Variants in AGBL4 observed in about 807,000 individuals in gnomAD.
The protein encoded by AGBL4 is cytosolic carboxypeptidase 6.
A neutral mutation model predicts 66.4 loss-of-function variants in AGBL4; 58 were observed. That is an observed-to-expected ratio of 0.87 (90% CI 0.71 to 1.09). AGBL4 has a LOEUF of 1.09. Ranked by LOEUF, AGBL4 falls within the 50% of genes least tolerant of loss-of-function variation. The pLI is 0.00. For missense variants in AGBL4, 579 were observed against 631.0 expected (o/e 0.92, Z 0.88); for synonymous variants, 234 against 222.9 (o/e 1.05, Z -0.44).
intron 4 of AGBL4, among the ~76,000 whole-genome samples, chr1:49,205,162 T>G (rs1648033843): frequency 6.6e-6 from 1 of 152,098 alleles, no homozygotes; most frequent in African/African-American, 2.4e-5. Context: ...ATTAAATAGC[T>G]TCCCAAATTT....
At chr1:49,983,282 C>T (rs756088364) in intron 1 of AGBL4, among the ~76,000 whole-genome samples, 8 of 152,236 alleles carry the variant, frequency 5.3e-5, no homozygotes, top group Non-Finnish European at 5.9e-5. Context: ...CAGTTCCTGA[C>T]GTCTCCAAGC....
chr1:49,037,737 T>G (rs142585164), intron 5 of AGBL4, among the ~76,000 whole-genome samples: 28 of 152,162 alleles, frequency 1.8e-4, no homozygotes, highest in African/African-American at 5.8e-4. Context: ...TTTTATTCAT[T>G]TTTACATCTA....
chr1:49,533,579 T>C (rs1025634816), intron 3 of AGBL4, among the ~76,000 whole-genome samples: 1 of 152,170 alleles, frequency 6.6e-6, no homozygotes, highest in Admixed American at 6.5e-5. Context: ...TCTGGATTAT[T>C]ATGCCAAGGT....
chr1:49,156,574 TGGCTTGGAA>T (rs948696880), intron 4 of AGBL4, among the ~76,000 whole-genome samples: 22 of 152,272 alleles, frequency 1.4e-4, no homozygotes, highest in African/African-American at 5.1e-4. Context: ...CTCATTGGCA[TGGCTTGGAA>T]GGCTTCAGTT....
intron 5 of AGBL4, among the ~76,000 whole-genome samples, chr1:48,990,555 A>AT (rs1017756922): frequency 1.3e-5 from 2 of 151,902 alleles, no homozygotes; most frequent in African/African-American, 2.4e-5. Context: ...CTTAAATTTG[A>AT]TTTTTTTGTA....
At chr1:48,873,931 G>A (rs1238732562) in intron 5 of AGBL4, among the ~76,000 whole-genome samples, 2 of 152,042 alleles carry the variant, frequency 1.3e-5, no homozygotes, top group Non-Finnish European at 1.5e-5. Flanking sequence ...GTGTTGTTCT[G>A]GGAGCTCAGT....
At chr1:48,893,352 G>A (rs1651159751) in intron 5 of AGBL4, among the ~76,000 whole-genome samples, 1 of 151,970 alleles carries the variant, frequency 6.6e-6, no homozygotes, top group East Asian at 1.9e-4. Flanking sequence ...AGGTCATGAG[G>A]GTGGAGCCCT....
chr1:49,365,893 G>A (rs1644232832), intron 3 of AGBL4, among the ~76,000 whole-genome samples: 1 of 152,080 alleles, frequency 6.6e-6, no homozygotes, highest in Admixed American at 6.6e-5. Context: ...CTCTTTGAAT[G>A]CCTGTCTGTG....
chr1:49,135,136 C>T (rs1176778605), intron 4 of AGBL4, among the ~76,000 whole-genome samples: 1 of 151,926 alleles, frequency 6.6e-6, no homozygotes, highest in Non-Finnish European at 1.5e-5. Flanking sequence ...TCCTGCCTGG[C>T]TCGCAGGCAG....
At chr1:49,499,868 G>T (rs1200970426) in intron 3 of AGBL4, among the ~76,000 whole-genome samples, 2 of 151,758 alleles carry the variant, frequency 1.3e-5, no homozygotes, top group African/African-American at 4.8e-5. Context: ...ATCATATAGT[G>T]ACTCCTCTGG....
chr1:48,839,729 G>C (rs1646756968), intron 6 of AGBL4, among the ~76,000 whole-genome samples: 2 of 152,068 alleles, frequency 1.3e-5, no homozygotes. Context: ...AATAAGAAAT[G>C]GGAAATAACT....
chr1:49,766,622 G>C (rs1329583292), intron 2 of AGBL4, among the ~76,000 whole-genome samples: 1 of 151,272 alleles, frequency 6.6e-6, no homozygotes, highest in Non-Finnish European at 1.5e-5. Flanking sequence ...CCACTTAAAA[G>C]GCACAGAGTG....
At chr1:48,761,310 C>G in intron 6 of AGBL4, 1 of 1,538,434 alleles carries the variant, frequency 6.5e-7, no homozygotes, top group African/African-American at 1.4e-5. Flanking sequence ...TCCAGCATAC[C>G]TCCAAAGAAA....
chr1:49,854,722 C>T (rs1005798809), intron 1 of AGBL4, among the ~76,000 whole-genome samples: 7 of 152,108 alleles, frequency 4.6e-5, no homozygotes, highest in Non-Finnish European at 1.5e-5. Context: ...CATCTGGACC[C>T]CCAGCACTGT....
At chr1:49,592,323 C>T (rs1644766918) in intron 3 of AGBL4, among the ~76,000 whole-genome samples, 1 of 152,284 alleles carries the variant, frequency 6.6e-6, no homozygotes, top group South Asian at 2.1e-4. Context: ...GTAATCCCTG[C>T]ACTTTGAGAG....
Position 49,144,525 on chromosome 1 carries a change from C to CCACACA in AGBL4, c.378-98726_378-98725insTGTGTG, listed in dbSNP as rs1237916149. Among the ~76,000 whole-genome samples the CCACACA allele has an allele frequency of 7.4e-5, 6 of 80,576 alleles. No homozygotes were observed. The South Asian group carries it at 2.1e-3, about 28-fold the overall frequency. 52.9% of individuals were successfully genotyped at this position (80,576 alleles called of 152,430 possible). A position where few individuals can be genotyped will look rare whatever the true frequency, so the allele number is the denominator to read the frequency against. ...TGCAATCCTATTCAGTTTACCTAATCTACACACACACACACACACACACAC... is the reference window on the plus strand; with the variant it reads ...TGCAATCCTATTCAGTTTACCTAATCCACACATACACACACACACACACACACACAC... On this transcript the variant is annotated intron_variant, in intron 4 of 13. Transcript: ENST00000371839.
intron 1 of AGBL4, among the ~76,000 whole-genome samples, chr1:49,871,977 T>C (rs1055895823): frequency 6.6e-6 from 1 of 152,072 alleles, no homozygotes; most frequent in Non-Finnish European, 1.5e-5. Flanking sequence ...GCCATTGAAA[T>C]AGAGAGAAAA....
chr1:49,770,807 T>C (rs1644034518), intron 2 of AGBL4, among the ~76,000 whole-genome samples: 1 of 152,206 alleles, frequency 6.6e-6, no homozygotes, highest in Non-Finnish European at 1.5e-5. Context: ...ATACTGCTGT[T>C]CATAGGAATC....
At chr1:49,889,982 G>A (rs1648473599) in intron 1 of AGBL4, among the ~76,000 whole-genome samples, 1 of 152,132 alleles carries the variant, frequency 6.6e-6, no homozygotes, top group Admixed American at 6.5e-5. Context: ...TTAAAGAGGT[G>A]AAAATTACAC....
Sources: allele counts gnomAD v4.1 joint callset (sites outside exome capture counted in the v4.1 genomes callset), GRCh38; gene constraint gnomAD v4.1.1; transcripts MANE v1.5; gene names NCBI Gene and HGNC (gene_info 2026-07-23, HGNC 2026-07-21).